SLC16A7: variants seen among roughly 807,000 people sequenced by gnomAD.
SLC16A7 encodes solute carrier family 16 member 7, also known as monocarboxylate transporter 2.
SLC16A7 carries 33 observed loss-of-function variants against 34.9 expected under a neutral mutation model. The ratio of observed to expected loss-of-function variants is 0.94; its 90% CI spans 0.72 to 1.26. SLC16A7 has a LOEUF of 1.26. SLC16A7 is among the 50% of genes most tolerant of loss of function. The pLI, the probability that SLC16A7 is intolerant of heterozygous loss-of-function variation, is 0.00. For synonymous variants in SLC16A7, 201 were observed against 206.6 expected, an observed-to-expected ratio of 0.97 and a Z score of 0.23; for missense variants, 573 against 578.1, an observed-to-expected ratio of 0.99 and a Z score of 0.09.
chr12:59,620,849 T>C (rs1168525533), intron 1 of SLC16A7, among the ~76,000 whole-genome samples: 1 of 151,940 alleles, frequency 6.6e-6, no homozygotes, highest in Non-Finnish European at 1.5e-5. Flanking sequence ...GAAATATTTA[T>C]AGTTTTTATT....
At chr12:59,766,597 T>G (rs1473201561) in intron 3 of SLC16A7, among the ~76,000 whole-genome samples, 2 of 152,118 alleles carry the variant, frequency 1.3e-5, no homozygotes, top group Admixed American at 1.3e-4. Flanking sequence ...ATCATGTGGT[T>G]TTTGTCTTTG....
chr12:59,751,560 C>T (rs1011333342), intron 3 of SLC16A7, among the ~76,000 whole-genome samples: 4 of 152,324 alleles, frequency 2.6e-5, no homozygotes, highest in East Asian at 3.9e-4. Flanking sequence ...GAGGTGCGCC[C>T]GCCATTGCCC....
intron 2 of SLC16A7, among the ~76,000 whole-genome samples, chr12:59,679,570 C>T (rs1437777262): frequency 6.6e-6 from 1 of 152,048 alleles, no homozygotes; most frequent in Admixed American, 6.5e-5. Context: ...CCTCTTAGCC[C>T]CTTAGAAATC....
Position 59,650,460 on chromosome 12 carries a change from C to T in SLC16A7, c.-129-4692C>T, listed in dbSNP as rs558240868. ...GATCAAAGTTGGAATATTGTCTCTA[C>T]CCTTAAAGCTGTATACCCCTGAGAA... is the stretch of plus-strand genomic sequence containing the variant. On this transcript the variant is annotated intron_variant, in intron 1 of 5. Coordinates refer to ENST00000547379, the MANE Select transcript of SLC16A7 (RefSeq NM_001270623.2). Among the ~76,000 whole-genome samples the T allele has an allele frequency of 8.5e-5, 13 of 152,174 alleles. 1 individual carries two copies. The South Asian group carries it at 2.7e-3, about 32-fold the overall frequency.
chr12:59,665,809 CGTGTGTGTGTGTGT>C (rs34983187), intron 2 of SLC16A7, among the ~76,000 whole-genome samples: 2 of 143,066 alleles, frequency 1.4e-5, no homozygotes, highest in Admixed American at 7.0e-5. Flanking sequence ...ATATATAACA[CGTGTGTGTGTGTGT>C]GTGTGTGTGT....
intron 1 of SLC16A7, among the ~76,000 whole-genome samples, chr12:59,605,238 G>A (rs1456288246): frequency 6.6e-6 from 1 of 152,174 alleles, no homozygotes; most frequent in African/African-American, 2.4e-5. Flanking sequence ...CTTACTATTT[G>A]AAGGAGTTAC....
intron 3 of SLC16A7, among the ~76,000 whole-genome samples, chr12:59,762,694 G>C (rs1044222353): frequency 1.3e-5 from 2 of 151,978 alleles, no homozygotes; most frequent in African/African-American, 4.8e-5. Flanking sequence ...TGTAGGCCTA[G>C]CTGCTTGGGA....
rs377517858 is a variant in SLC16A7, at chr12:59,632,704, T to G, written c.-129-22448T>G. ...TTGCCAAATATCCTCTGAGGAACAG[T>G]ATCACCCCCGGTTAAGGTGAAATGC... On this transcript the variant is annotated intron_variant, in intron 1 of 5. Coordinates refer to ENST00000547379, the MANE Select transcript of SLC16A7 (RefSeq NM_001270623.2). Among the ~76,000 whole-genome samples, 31 of 152,096 alleles carry G rather than the reference T, an allele frequency of 2.0e-4. No homozygotes were observed. The East Asian group carries it at 3.1e-3, about 15-fold the overall frequency.
intron 3 of SLC16A7, among the ~76,000 whole-genome samples, chr12:59,759,847 T>A (rs1880815271): frequency 6.6e-6 from 1 of 152,100 alleles, no homozygotes; most frequent in African/African-American, 2.4e-5. Context: ...AAACAATCTT[T>A]TTTCTTCCTT....
intron 3 of SLC16A7, among the ~76,000 whole-genome samples, chr12:59,765,826 C>G (rs374993252): frequency 4.6e-5 from 7 of 152,018 alleles, no homozygotes; most frequent in South Asian, 2.1e-4. Flanking sequence ...GCTCTTTTTT[C>G]GTTCCATATG....
At chr12:59,696,867 C>T (rs1292349137) in intron 2 of SLC16A7, among the ~76,000 whole-genome samples, 4 of 151,820 alleles carry the variant, frequency 2.6e-5, no homozygotes, top group Admixed American at 6.6e-5. Flanking sequence ...ATGTGAGTGG[C>T]GCCTTGCACC....
intron 2 of SLC16A7, among the ~76,000 whole-genome samples, chr12:59,692,304 G>T (rs1459886820): frequency 2.6e-5 from 4 of 151,926 alleles, no homozygotes; most frequent in Non-Finnish European, 5.9e-5. Flanking sequence ...TCTCTCAACA[G>T]CCTTAATTTA....
chr12:59,698,555 G>C (rs568542424), intron 2 of SLC16A7, among the ~76,000 whole-genome samples: 243 of 151,852 alleles, frequency 1.6e-3, no homozygotes, highest in African/African-American at 4.5e-3. Flanking sequence ...AATTGTTTCT[G>C]ATCATGATTG....
At chr12:59,739,550 T>C (rs1878041088) in intron 3 of SLC16A7, among the ~76,000 whole-genome samples, 1 of 144,742 alleles carries the variant, frequency 6.9e-6, no homozygotes, top group Non-Finnish European at 1.5e-5. Context: ...GTCCTTTGGG[T>C]ATATACCCAG....
intron 3 of SLC16A7, among the ~76,000 whole-genome samples, chr12:59,715,590 A>G (rs12307550): frequency 0.022 from 3,326 of 152,268 alleles, 132 homozygotes; most frequent in African/African-American, 0.075. Flanking sequence ...AAAGCAGTTC[A>G]TCATCTTGTT....
At chr12:59,772,743 T>G (rs1882356354) in intron 4 of SLC16A7, among the ~76,000 whole-genome samples, 1 of 152,086 alleles carries the variant, frequency 6.6e-6, no homozygotes, top group Non-Finnish European at 1.5e-5. Flanking sequence ...ATTAGAAAAA[T>G]GTAAAAAATG....
intron 2 of SLC16A7, among the ~76,000 whole-genome samples, chr12:59,672,034 ATATATCCGTATATATGTGTATATATCG>A (rs1202400807): frequency 0.26 from 9 of 34 alleles, 2 homozygotes; most frequent in South Asian, 1. Flanking sequence ...TATATATCGC[ATATATCCGTATATATGTGTATATATCG>A]CATATATCCG....
chr12:59,616,974 A>G (rs886623344), intron 1 of SLC16A7, among the ~76,000 whole-genome samples: 2 of 152,106 alleles, frequency 1.3e-5, no homozygotes, highest in Non-Finnish European at 2.9e-5. Context: ...TATAGCGTAA[A>G]TGCATTATTT....
At chr12:59,661,834 A>T (rs1868867958) in intron 2 of SLC16A7, among the ~76,000 whole-genome samples, 1 of 152,138 alleles carries the variant, frequency 6.6e-6, no homozygotes, top group South Asian at 2.1e-4. Context: ...TCTTATGCTT[A>T]TCAAGGTTAA....
Sources: gnomAD v4.1 joint callset for allele counts (sites outside exome capture counted in the v4.1 genomes callset) on GRCh38, gnomAD v4.1.1 for gene constraint, MANE v1.5 for transcripts, NCBI Gene and HGNC (gene_info 2026-07-23, HGNC 2026-07-21) for gene names.